The following ALK variants were observed in gnomAD, a reference collection of about 807,000 sequenced individuals.
ALK encodes ALK tyrosine kinase receptor.
Under a neutral mutation model 163.1 loss-of-function variants are expected in ALK, and 74 were observed. That is an observed-to-expected ratio of 0.45 (90% confidence interval 0.38 to 0.55). The LOEUF (loss-of-function observed/expected upper bound fraction) is 0.55, where lower values mean the gene tolerates loss of function less well. Among genes scored for constraint, ALK ranks in the 20% least tolerant of loss-of-function variants. The pLI is 0.00. For synonymous variants in ALK, 960 were observed against 843.2 expected (o/e 1.14, Z -2.40); for missense variants, 2,063 against 2,105.3 (o/e 0.98, Z 0.39).
intron 4 of ALK, among the ~76,000 whole-genome samples, chr2:29,459,953 G>A (rs1671046267): frequency 6.6e-6 from 1 of 152,124 alleles, no homozygotes; most frequent in African/African-American, 2.4e-5. Context: ...TTTGTAAAAA[G>A]CAGCCTCAGA....
chr2:29,202,548 TTGTA>T lies in ALK; in HGVS notation c.3938+4619_3938+4622del, dbSNP rs1316588563. On this transcript the variant is annotated intron_variant, in intron 26 of 28. Transcript: ENST00000389048. ...CCTGAAGTTAGACTGTATCCTACAA[TTGTA>T]TGTTTCACATTTTTAAACAATGCGT... 2.0e-5 allele frequency among the ~76,000 whole-genome samples: 3 copies of T among 152,272 alleles called. No individual in the cohort carries two copies. The East Asian group carries it at 5.8e-4, about 29-fold the overall frequency.
At chr2:29,789,880 TG>T (rs1664143313) in intron 1 of ALK, among the ~76,000 whole-genome samples, 1 of 152,208 alleles carries the variant, frequency 6.6e-6, no homozygotes. Context: ...TTTAGTAGCA[TG>T]GCCCCTCCAG....
intron 3 of ALK, among the ~76,000 whole-genome samples, chr2:29,611,733 G>A (rs1300488076): frequency 6.6e-6 from 1 of 152,060 alleles, no homozygotes; most frequent in East Asian, 1.9e-4. Flanking sequence ...AGGAGATCTG[G>A]TTGTTTGAAG....
rs58980042 is a variant in ALK, at chr2:29,484,877, TTTG to T, written c.1154+47035_1154+47037del. On this transcript the variant is annotated intron_variant, in intron 4 of 28. Transcript: ENST00000389048. ...TACTGATCTACTGTTTTCTGTTATT[TTTG>T]TTGTTGTTGCTAATGACAGGTTGGA... Among the ~76,000 whole-genome samples the T allele has an allele frequency of 8.8e-3, 1,345 of 152,280 alleles. 19 individuals carry two copies. The highest frequency in any genetic ancestry group is 0.03 in the African/African-American group (1,267 of 41,558).
At chr2:29,241,157 G>A (rs1664513366) in intron 12 of ALK, among the ~76,000 whole-genome samples, 1 of 152,138 alleles carries the variant, frequency 6.6e-6, no homozygotes, top group Non-Finnish European at 1.5e-5. Context: ...AGCGGTGTAA[G>A]GCGTTGTGAA....
intron 3 of ALK, among the ~76,000 whole-genome samples, chr2:29,647,249 T>C (rs1358987862): frequency 6.6e-6 from 1 of 152,192 alleles, no homozygotes; most frequent in Non-Finnish European, 1.5e-5. Flanking sequence ...AAGAGTTGTG[T>C]ATCTCTCCTT....
chr2:29,201,102 A>G (rs960657107), intron 26 of ALK, among the ~76,000 whole-genome samples: 1 of 151,958 alleles, frequency 6.6e-6, no homozygotes, highest in African/African-American at 2.4e-5. Context: ...GAAAAAAAAA[A>G]ACATTGTGGA....
At chr2:29,704,980 G>A (rs1233631389) in intron 2 of ALK, among the ~76,000 whole-genome samples, 1 of 151,802 alleles carries the variant, frequency 6.6e-6, no homozygotes, top group Non-Finnish European at 1.5e-5. Flanking sequence ...CACTTTGGGA[G>A]GCCAAGGCGG....
At chr2:29,396,836 G>T (rs1399743916) in intron 4 of ALK, among the ~76,000 whole-genome samples, 6 of 46,620 alleles carry the variant, frequency 1.3e-4, no homozygotes, top group African/African-American at 1.9e-4. Flanking sequence ...TGTTACTATG[G>T]TTTTTTTTTT....
chr2:29,269,941 G>C (rs539712344), intron 11 of ALK, among the ~76,000 whole-genome samples: 1 of 152,230 alleles, frequency 6.6e-6, no homozygotes, highest in Non-Finnish European at 1.5e-5. Flanking sequence ...CTGGGGCACC[G>C]TCTTGAATGT....
At chr2:29,408,011 G>A (rs895160421) in intron 4 of ALK, among the ~76,000 whole-genome samples, 1 of 152,100 alleles carries the variant, frequency 6.6e-6, no homozygotes, top group Non-Finnish European at 1.5e-5. Flanking sequence ...CATGATCAAA[G>A]GAGAAAGAGT....
chr2:29,728,270 G>T (rs964408245), intron 1 of ALK, among the ~76,000 whole-genome samples: 5 of 152,220 alleles, frequency 3.3e-5, no homozygotes, highest in Non-Finnish European at 7.3e-5. Flanking sequence ...TCAAACGCAG[G>T]AACTGAGGCT....
At chr2:29,744,831 T>C (rs766942593) in intron 1 of ALK, among the ~76,000 whole-genome samples, 7 of 152,004 alleles carry the variant, frequency 4.6e-5, no homozygotes, top group Non-Finnish European at 7.4e-5. Flanking sequence ...AGAGAGCAGA[T>C]GGAAGCTGTA....
chr2:29,451,304 C>G (rs1197764337), intron 4 of ALK, among the ~76,000 whole-genome samples: 1 of 152,144 alleles, frequency 6.6e-6, no homozygotes, highest in African/African-American at 2.4e-5. Context: ...GCACACTGAC[C>G]AATCTTTCTT....
intron 1 of ALK, among the ~76,000 whole-genome samples, chr2:29,816,669 G>A (rs1269690553): frequency 6.6e-6 from 1 of 152,176 alleles, no homozygotes; most frequent in African/African-American, 2.4e-5. Flanking sequence ...CACAAGGTCG[G>A]TCCCCCTTGG....
intron 3 of ALK, among the ~76,000 whole-genome samples, chr2:29,641,185 G>A (rs1676690194): frequency 6.6e-6 from 1 of 152,092 alleles, no homozygotes; most frequent in South Asian, 2.1e-4. Context: ...CAGGTTTCAA[G>A]CAAGGGAATT....
chr2:29,499,189 G>T (rs1672105947), intron 4 of ALK, among the ~76,000 whole-genome samples: 1 of 151,966 alleles, frequency 6.6e-6, no homozygotes, highest in African/African-American at 2.4e-5. Flanking sequence ...TTTCTTGAGG[G>T]TCCTTCTCCA....
chr2:29,724,289 T>C (rs926935523), intron 1 of ALK, among the ~76,000 whole-genome samples: 5 of 152,254 alleles, frequency 3.3e-5, no homozygotes, highest in Non-Finnish European at 7.3e-5. Flanking sequence ...ACAGTCTGCT[T>C]GTTTTTTCCC....
At chr2:29,427,037 CAAAAAAAAA>C (rs70958261) in intron 4 of ALK, among the ~76,000 whole-genome samples, 1 of 40,126 alleles carries the variant, frequency 2.5e-5, no homozygotes, top group East Asian at 1.1e-3. Flanking sequence ...GACTCCGTCT[CAAAAAAAAA>C]AAAAAAAAAA....
Sources: gnomAD v4.1 joint callset for allele counts (sites outside exome capture counted in the v4.1 genomes callset) on GRCh38, gnomAD v4.1.1 for gene constraint, MANE v1.5 for transcripts, NCBI Gene and HGNC (gene_info 2026-07-23, HGNC 2026-07-21) for gene names.